The following LINGO2 variants were observed in gnomAD, a reference collection of about 807,000 sequenced individuals.
The protein encoded by LINGO2 is leucine rich repeat and Ig domain containing 2.
A neutral mutation model predicts 30.6 loss-of-function variants in LINGO2; 14 were observed. The observed-to-expected ratio is 0.46, with a 90% CI of 0.30 to 0.72. LINGO2 has a LOEUF of 0.72. Among genes scored for constraint, LINGO2 ranks in the 30% least tolerant of loss-of-function variants. The pLI is 0.07. For synonymous variants in LINGO2, 317 were observed against 288.5 expected, an observed-to-expected ratio of 1.10 and a Z score of -1.00; for missense variants, 729 against 751.7, an observed-to-expected ratio of 0.97 and a Z score of 0.35.
intron 2 of LINGO2, among the ~76,000 whole-genome samples, chr9:28,457,000 A>C (rs1564210749): frequency 6.6e-6 from 1 of 152,094 alleles, no homozygotes; most frequent in Non-Finnish European, 1.5e-5. Flanking sequence ...ATTTTCTACA[A>C]CCCATGGAGA....
In LINGO2 at chr9:28,038,638, A is replaced by G. The variant is rs532735052; in HGVS notation, c.-86-26233T>C. Among the ~76,000 whole-genome samples, 11 of 150,780 alleles carry G rather than the reference A, an allele frequency of 7.3e-5. No homozygotes were observed. In the East Asian group the frequency reaches 2.2e-3, roughly 30 times the overall value. Reference sequence around the variant, plus strand: ...AACCCGGGAGGCGGAGCTTGCAGTGAGCCGAGATTGCACCACTGCAGTCCA... The same window carrying G: ...AACCCGGGAGGCGGAGCTTGCAGTGGGCCGAGATTGCACCACTGCAGTCCA... On this transcript the variant is annotated intron_variant, in intron 4 of 5. Transcript: ENST00000379992.
intron 1 of LINGO2, among the ~76,000 whole-genome samples, chr9:28,506,458 A>G (rs1820128041): frequency 1.2e-5 from 1 of 86,662 alleles, no homozygotes; most frequent in African/African-American, 4.0e-5. Flanking sequence ...ACACACACAT[A>G]CACATACACA....
Position 28,045,731 on chromosome 9 carries a change from A to G in LINGO2, c.-86-33326T>C, listed in dbSNP as rs572487768. Among the ~76,000 whole-genome samples, 4 of 152,292 alleles carry G rather than the reference A, an allele frequency of 2.6e-5. No individual in the cohort carries two copies. The South Asian group carries it at 8.3e-4, about 32-fold the overall frequency. ...TTGAACACTAATTTTCACAGGTACT[A>G]TGCTAAGCACTATGGAAGATAAAGG... On this transcript the variant is annotated intron_variant, in intron 4 of 5. Coordinates refer to ENST00000379992, the Ensembl canonical transcript of LINGO2.
At chr9:29,202,576 C>G in the LINGO2 span, among the ~76,000 whole-genome samples, 1 of 152,028 alleles carries the variant, frequency 6.6e-6, no homozygotes, top group Admixed American at 6.6e-5. Flanking sequence ...ATTATCCTCC[C>G]CAACATGCAA....
At chr9:28,460,685 A>G (rs1468160873) in intron 2 of LINGO2, among the ~76,000 whole-genome samples, 2 of 152,150 alleles carry the variant, frequency 1.3e-5, no homozygotes, top group African/African-American at 2.4e-5. Context: ...ATGCATCTGT[A>G]ACAGGAAATT....
chr9:28,153,646 C>T (rs1465828263), intron 4 of LINGO2, among the ~76,000 whole-genome samples: 1 of 152,074 alleles, frequency 6.6e-6, no homozygotes, highest in African/African-American at 2.4e-5. Context: ...ATTTCGAGTT[C>T]GTCAATTTTT....
the LINGO2 span, among the ~76,000 whole-genome samples, chr9:28,787,359 A>G: frequency 6.6e-6 from 1 of 152,192 alleles, no homozygotes; most frequent in South Asian, 2.1e-4. Flanking sequence ...CTGTATCTAT[A>G]CCAATCAAAT....
the LINGO2 span, among the ~76,000 whole-genome samples, chr9:28,731,057 T>G: frequency 4.6e-5 from 7 of 152,048 alleles, no homozygotes; most frequent in African/African-American, 1.4e-4. Context: ...ATGGCACGAT[T>G]TCGGCTCACC....
At chr9:29,054,350 T>C in the LINGO2 span, among the ~76,000 whole-genome samples, 1 of 152,230 alleles carries the variant, frequency 6.6e-6, no homozygotes, top group Non-Finnish European at 1.5e-5. Flanking sequence ...TTCAGAGTCC[T>C]GTCTTAAGTG....
the LINGO2 span, among the ~76,000 whole-genome samples, chr9:29,034,154 G>C: frequency 6.6e-6 from 1 of 151,870 alleles, no homozygotes; most frequent in Admixed American, 6.6e-5. Flanking sequence ...TGAATGCATG[G>C]ATAAATGAAT....
chr9:28,191,292 C>T (rs895420137), intron 4 of LINGO2, among the ~76,000 whole-genome samples: 13 of 152,146 alleles, frequency 8.5e-5, no homozygotes, highest in Admixed American at 3.3e-4. Context: ...TTATAGTAGG[C>T]CTGTATAAAA....
Position 28,154,507 on chromosome 9 carries a change from A to C in LINGO2, c.-87+140701T>G, listed in dbSNP as rs558399513. On this transcript the variant is annotated intron_variant, in intron 4 of 5. Coordinates refer to ENST00000379992, the Ensembl canonical transcript of LINGO2. ...TTTATGAAGGCACAGGACAGATTGC[A>C]TATTATTTTCCTGTAATGGAGGAAA... Among the ~76,000 whole-genome samples the C allele has an allele frequency of 3.3e-5, 5 of 152,272 alleles. No individual in the cohort carries two copies. In the South Asian group the frequency reaches 1.0e-3, roughly 32 times the overall value.
the LINGO2 span, among the ~76,000 whole-genome samples, chr9:29,007,926 T>C: frequency 6.6e-6 from 1 of 152,118 alleles, no homozygotes; most frequent in Non-Finnish European, 1.5e-5. Context: ...ATTTGTTTTT[T>C]ATTTCTTTTT....
At chr9:28,714,643 A>G in the LINGO2 span, among the ~76,000 whole-genome samples, 4 of 152,122 alleles carry the variant, frequency 2.6e-5, no homozygotes, top group Non-Finnish European at 5.9e-5. Context: ...GTGTCAAGCC[A>G]TGAATTTTGG....
At chr9:28,457,098 A>G (rs1289286808) in intron 2 of LINGO2, among the ~76,000 whole-genome samples, 1 of 152,078 alleles carries the variant, frequency 6.6e-6, no homozygotes, top group Non-Finnish European at 1.5e-5. Flanking sequence ...CTAATTCCAG[A>G]AGCAAGACAG....
Position 28,256,350 on chromosome 9 carries a change from TATTG to T in LINGO2, c.-87+38854_-87+38857del, listed in dbSNP as rs1822382033. ...TGACAATTATATACACACTGCCAAC[TATTG>T]ATTAATTCTTTAAGAGCACATGAAG... is the stretch of plus-strand genomic sequence containing the variant. On this transcript the variant is annotated intron_variant, in intron 4 of 5. Coordinates refer to ENST00000379992, the Ensembl canonical transcript of LINGO2. Among the ~76,000 whole-genome samples, 9 of 152,074 alleles carry T rather than the reference TATTG, an allele frequency of 5.9e-5. No homozygotes were observed. In the South Asian group the frequency reaches 1.9e-3, roughly 32 times the overall value.
At chr9:28,104,546 C>T (rs564447467) in intron 4 of LINGO2, among the ~76,000 whole-genome samples, 1 of 152,042 alleles carries the variant, frequency 6.6e-6, no homozygotes. Context: ...GACACTACCT[C>T]TAATGACCAT....
At chr9:28,046,415 C>G (rs184182256) in intron 4 of LINGO2, among the ~76,000 whole-genome samples, 211 of 152,264 alleles carry the variant, frequency 1.4e-3, no homozygotes, top group Non-Finnish European at 2.2e-3. Flanking sequence ...TGGGGTCCAC[C>G]AATTTGCATT....
chr9:28,862,566 C>A, the LINGO2 span, among the ~76,000 whole-genome samples: 1 of 152,038 alleles, frequency 6.6e-6, no homozygotes, highest in South Asian at 2.1e-4. Context: ...GCATAATCCA[C>A]TTCTAAGGAA....
Sources: gnomAD v4.1 joint callset for allele counts (sites outside exome capture counted in the v4.1 genomes callset) on GRCh38, gnomAD v4.1.1 for gene constraint, MANE v1.5 for transcripts, NCBI Gene and HGNC (gene_info 2026-07-23, HGNC 2026-07-21) for gene names.